Variants in DNA2 observed in about 807,000 individuals in gnomAD.
DNA2 encodes the protein DNA replication ATP-dependent helicase/nuclease DNA2.
DNA2 carries 101 observed loss-of-function variants against 119.1 expected under a neutral mutation model. The ratio of observed to expected loss-of-function variants is 0.85; its 90% CI spans 0.72 to 1.00. The LOEUF (loss-of-function observed/expected upper bound fraction) is 1.00. DNA2 is among the 50% of genes least tolerant of loss of function. DNA2 has a pLI of 0.00. For missense variants in DNA2, 1,121 were observed against 1,255.5 expected (o/e 0.89, Z 1.62); for synonymous variants, 366 against 424.4 (o/e 0.86, Z 1.69).
intron 7 of DNA2, among the ~76,000 whole-genome samples, chr10:68,446,082 C>T (rs1045367066): frequency 2.6e-5 from 4 of 152,054 alleles, no homozygotes; most frequent in Non-Finnish European, 5.9e-5. Flanking sequence ...CAAGATTGTG[C>T]CACTTCACTC....
rs2051804077 is a variant in DNA2 at position 68,430,405 on chromosome 10, G to A, written c.2208+31C>T. The A allele has an allele frequency of 5.5e-6, 8 of 1,456,108 alleles. No homozygotes were observed. In the East Asian group the frequency reaches 1.7e-4, roughly 30 times the overall value. 90.2% of individuals were successfully genotyped at this position (1,456,108 alleles called of 1,614,324 possible). ...CTCATTCTGGCTGTGGACATTAACT[G>A]TTAGTATTATTATACAATAATTGTG... On this transcript the variant is annotated intron_variant, in intron 14 of 20. Coordinates refer to ENST00000358410, the MANE Select transcript of DNA2 (RefSeq NM_001080449.3).
At chr10:68,436,871 CAA>C (rs1170166721) in intron 10 of DNA2, 138 bp downstream of exon 10, 4 of 649,802 alleles carry the variant, frequency 6.2e-6, no homozygotes, top group African/African-American at 3.7e-5. Flanking sequence ...TGAAAATACT[CAA>C]AGTTGATTGT....
At chr10:68,424,776 G>A in intron 14 of DNA2, 1 of 1,354,020 alleles carries the variant, frequency 7.4e-7, no homozygotes, top group Admixed American at 1.7e-5. Flanking sequence ...GGTAGTCCAG[G>A]TGTACAGAAA....
chr10:68,416,879 T>C, intron 19 of DNA2, 24 bp from the exon 20 acceptor site: 2 of 1,593,008 alleles, frequency 1.3e-6, no homozygotes, highest in Non-Finnish European at 1.7e-6. Flanking sequence ...AATTTTCAAT[T>C]ATTCAAGTTC....
At chr10:68,465,948 T>C in intron 3 of DNA2, 136 bp from the exon 4 acceptor site, 1 of 669,680 alleles carries the variant, frequency 1.5e-6, no homozygotes, top group Non-Finnish European at 2.2e-6. Context: ...AAAATTTTTT[T>C]CTGGTGCGTG....
chr10:68,441,838 T>C lies in DNA2; in HGVS notation c.1415+1079A>G, dbSNP rs574830649. ...ACCACATTAATTTGCATTATACCAA[T>C]ATATACAACAATTTACTTTAAGATA... On this transcript the variant is annotated intron_variant, in intron 9 of 20. Coordinates refer to ENST00000358410, the MANE Select transcript of DNA2 (RefSeq NM_001080449.3). Among the ~76,000 whole-genome samples the C allele has an allele frequency of 2.3e-5, 3 of 130,048 alleles. No individual in the cohort carries two copies. The East Asian group carries it at 7.2e-4, about 31-fold the overall frequency. The allele number at this position is 130,048 out of a possible 152,430, so 85.3% of individuals were successfully genotyped here.
intron 18 of DNA2, 59 bp downstream of exon 18, chr10:68,419,743 AG>A: frequency 4.8e-6 from 6 of 1,249,928 alleles, no homozygotes; most frequent in Non-Finnish European, 5.9e-6. Flanking sequence ...AGTGTCTTAC[AG>A]TCTAACATTC....
At chr10:68,430,028 C>T (rs1342328027) in intron 14 of DNA2, among the ~76,000 whole-genome samples, 5 of 151,356 alleles carry the variant, frequency 3.3e-5, no homozygotes, top group Admixed American at 2.0e-4. Flanking sequence ...GAATTACAGG[C>T]GCCCACCACC....
chr10:68,447,723 C>A (rs1202202109), intron 6 of DNA2, among the ~76,000 whole-genome samples: 1 of 151,472 alleles, frequency 6.6e-6, no homozygotes, highest in East Asian at 2.0e-4. Context: ...GTGGTTCACG[C>A]CTGTAATCCC....
At chr10:68,420,139 G>A (rs564552669) in intron 17 of DNA2, among the ~76,000 whole-genome samples, 1 of 152,320 alleles carries the variant, frequency 6.6e-6, no homozygotes, top group African/African-American at 2.4e-5. Context: ...ATCACACACT[G>A]AGCTTCAAAT....
intron 19 of DNA2, among the ~76,000 whole-genome samples, chr10:68,417,391 C>CAAAAAAAAAAAAAA (rs35777569): frequency 6.5e-5 from 5 of 77,502 alleles, no homozygotes; most frequent in Non-Finnish European, 9.3e-5. Context: ...ATAAGAAAAC[C>CAAAAAAAAAAAAAA]AAAAAAAAAA....
intron 2 of DNA2, among the ~76,000 whole-genome samples, chr10:68,468,577 A>G (rs1330181210): frequency 6.6e-6 from 1 of 152,214 alleles, no homozygotes; most frequent in East Asian, 1.9e-4. Context: ...ACTTAGTGCC[A>G]GTAAAGTCTA....
At position 68,453,974 on chromosome 10, in the gene DNA2, T is replaced by A. The variant is rs918021024; in HGVS notation, c.720-3727A>T. ...TTTGATTTCAAAGATTCCTTGCAGG[T>A]CAAAGATGAGTCTGAATTCCACACT... On this transcript the variant is annotated intron_variant, in intron 5 of 20. Transcript: ENST00000358410. Among the ~76,000 whole-genome samples the A allele has an allele frequency of 5.9e-5, 9 of 152,092 alleles. No homozygotes were observed. The East Asian group carries it at 1.7e-3, about 29-fold the overall frequency.
chr10:68,470,439 T>C, intron 1 of DNA2: 3 of 375,166 alleles, frequency 8.0e-6, no homozygotes, highest in Admixed American at 4.3e-5. Flanking sequence ...GGGACACTCA[T>C]TACAATGAGG....
intron 5 of DNA2, among the ~76,000 whole-genome samples, chr10:68,455,184 C>CA (rs1400022783): frequency 2.0e-5 from 3 of 151,928 alleles, no homozygotes; most frequent in Non-Finnish European, 4.4e-5. Context: ...ATGATCTGCC[C>CA]ACCTCAGCCA....
intron 9 of DNA2, among the ~76,000 whole-genome samples, chr10:68,440,168 G>A (rs1015350804): frequency 6.6e-6 from 1 of 151,976 alleles, no homozygotes; most frequent in African/African-American, 2.4e-5. Flanking sequence ...GCTGGGTGTG[G>A]TGGCACGTGC....
chr10:68,424,281 A>T (rs2051705410), intron 14 of DNA2, among the ~76,000 whole-genome samples: 1 of 152,208 alleles, frequency 6.6e-6, no homozygotes, highest in African/African-American at 2.4e-5. Flanking sequence ...AGGTGGGCAG[A>T]TTGCTGGAGC....
At chr10:68,450,006 A>G (rs1191480033) in intron 6 of DNA2, 22 bp downstream of exon 6, 1 of 1,477,842 alleles carries the variant, frequency 6.8e-7, no homozygotes, top group Admixed American at 2.2e-5. Flanking sequence ...AAAACAGACA[A>G]TTTTCTTATT....
At chr10:68,470,235 C>T (rs940337898) in intron 1 of DNA2, 72 bp from the exon 2 acceptor site, 1 of 1,304,760 alleles carries the variant, frequency 7.7e-7, no homozygotes, top group Admixed American at 3.2e-5. Context: ...GTTTTATCTA[C>T]AAACCAATCT....
Sources: gnomAD v4.1 joint callset for allele counts (sites outside exome capture counted in the v4.1 genomes callset) on GRCh38, gnomAD v4.1.1 for gene constraint, MANE v1.5 for transcripts, NCBI Gene and HGNC (gene_info 2026-07-23, HGNC 2026-07-21) for gene names.